ANAPC5: variants seen among roughly 807,000 people sequenced by gnomAD.
ANAPC5 encodes anaphase promoting complex subunit 5, also known as anaphase-promoting complex subunit 5.
A neutral mutation model predicts 91.3 loss-of-function variants in ANAPC5; 60 were observed. The ratio of observed to expected loss-of-function variants is 0.66; its 90% CI spans 0.53 to 0.81. ANAPC5 has a LOEUF of 0.81. Ranked by LOEUF, ANAPC5 falls within the 40% of genes least tolerant of loss-of-function variation. The pLI, the probability that ANAPC5 is intolerant of heterozygous loss-of-function variation, is 0.00. For synonymous variants in ANAPC5, 340 were observed against 364.1 expected (o/e 0.93, Z 0.75); for missense variants, 690 against 931.5 (o/e 0.74, Z 3.37).
Position 121,342,004 on chromosome 12 carries a change from T to C in ANAPC5, c.656A>G (p.Gln219Arg). ...TGATAAATTACAGAATTCACATACCTGTTGAGAAAGAAAAAATTCTGCTTG... is the reference window on the plus strand; with the variant it reads ...TGATAAATTACAGAATTCACATACCCGTTGAGAAAGAAAAAATTCTGCTTG... ...QKQAEFFLSQQASLLKNDETK... is the reference protein window; with the variant it reads ...QKQAEFFLSQRASLLKNDETK... Residue 219 changes from glutamine to arginine, a missense_variant and splice_region_variant, in exon 5 of 17, where the codon CAG becomes CGG. Physicochemically the swap from Gln to Arg is conservative, Grantham distance 43 (BLOSUM62 1). Coordinates refer to ENST00000261819, the MANE Select transcript of ANAPC5 (RefSeq NM_016237.5). The surrounding 1 kb of genome is among the most constrained non-coding windows in gnomAD (Gnocchi z 4.1). The C allele has an allele frequency of 6.2e-7, 1 of 1,607,964 alleles. No individual in the cohort carries two copies. Among genetic ancestry groups the C allele is most frequent in the Non-Finnish European group, 8.5e-7 (1 of 1,176,364 alleles).
rs1415989690 is a variant in ANAPC5 at position 121,352,187 on chromosome 12, C to A, written c.154G>T (p.Val52Phe). Reference sequence around the variant, plus strand: ...AGCCTCCGCCGCTCCATGAGGCTGACGGCGCCCTCGCCTGTGCGGCTCATC... The same window carrying A: ...AGCCTCCGCCGCTCCATGAGGCTGAAGGCGCCCTCGCCTGTGCGGCTCATC... Reference protein sequence around the residue: ...NEMSRTGEGAVSLMERRRLNQ... With the variant: ...NEMSRTGEGAFSLMERRRLNQ... Residue 52 changes from valine (V) to phenylalanine (F), a missense_variant, in exon 1 of 17, where the codon GTC becomes TTC. Val to Phe is a conservative substitution (Grantham distance 50). Around this residue, in one of 5 missense-constraint regions of ANAPC5, gnomAD observed 238 missense variants for 264.9 expected, o/e 0.90. Transcript: ENST00000261819. 1.2e-6 allele frequency: 2 copies of A among 1,613,160 alleles called. No individual in the cohort carries two copies. Among genetic ancestry groups the A allele is most frequent in the Non-Finnish European group, 1.7e-6 (2 of 1,179,402 alleles).
Position 121,320,390 on chromosome 12 carries a change from C to T in ANAPC5, c.1510G>A (p.Ala504Thr), listed in dbSNP as rs752243141. 3.0e-5 allele frequency: 49 copies of T among 1,613,118 alleles called. No homozygotes were observed. Among genetic ancestry groups the T allele is most frequent in the Non-Finnish European group, 3.4e-5 (40 of 1,179,390 alleles). ...CCATGCAAAAGGCAGATTACCTGGG[C>T]GTGCTGACTATTAGGCGGAAATCGT... ...KERFPPNSQH[A>T]QLWMLCDQKI... The change falls in exon 12 of 17, where the codon GCC becomes ACC. Residue 504 changes from alanine (A) to threonine (T), a missense_variant. Around this residue, in one of 5 missense-constraint regions of ANAPC5, gnomAD observed 317 missense variants for 438.7 expected, o/e 0.72. Transcript: ENST00000261819.
chr12:121,352,187 C>G lies in ANAPC5; in HGVS notation c.154G>C (p.Val52Leu), dbSNP rs1415989690. ...NEMSRTGEGA[V>L]SLMERRRLNQ... ...AGCCTCCGCCGCTCCATGAGGCTGACGGCGCCCTCGCCTGTGCGGCTCATC... is the reference window on the plus strand; with the variant it reads ...AGCCTCCGCCGCTCCATGAGGCTGAGGGCGCCCTCGCCTGTGCGGCTCATC... Residue 52 changes from valine to leucine, a missense_variant, in exon 1 of 17, where the codon GTC becomes CTC. Val to Leu is a conservative substitution (Grantham distance 32, BLOSUM62 1). Transcript: ENST00000261819. 6.2e-7 allele frequency: 1 copy of G among 1,613,278 alleles called. No individual in the cohort carries two copies. The highest frequency in any genetic ancestry group is 1.3e-5 in the African/African-American group (1 of 75,054).
intron 11 of ANAPC5, among the ~76,000 whole-genome samples, chr12:121,324,239 C>A (rs1421778171): frequency 1.3e-5 from 2 of 152,092 alleles, no homozygotes; most frequent in African/African-American, 4.8e-5. Context: ...ATGAGTCTAA[C>A]TTGTCTAATT....
At position 121,342,001 on chromosome 12, in the gene ANAPC5, A is replaced by G. The variant is rs1903477537; in HGVS notation, c.657+2T>C. 1 of 1,604,358 alleles carries G rather than the reference A, an allele frequency of 6.2e-7. No individual in the cohort carries two copies. The highest frequency in any genetic ancestry group is 1.7e-5 in the Admixed American group (1 of 59,704). ...TCATGATAAATTACAGAATTCACAT[A>G]CCTGTTGAGAAAGAAAAAATTCTGC... On this transcript the variant is annotated splice_donor_variant, in intron 5 of 16. Coordinates refer to ENST00000261819, the MANE Select transcript of ANAPC5 (RefSeq NM_016237.5). LOFTEE classifies it high-confidence loss of function. The surrounding 1 kb of genome is among the most constrained non-coding windows in gnomAD (Gnocchi z 4.1).
At chr12:121,340,316 C>CA (rs782297405) in intron 5 of ANAPC5, among the ~76,000 whole-genome samples, 12,220 of 86,192 alleles carry the variant, frequency 0.14, 798 homozygotes, top group African/African-American at 0.25. Context: ...AACTCCATCT[C>CA]AAAAAAAAAA....
rs782083815 is a variant in ANAPC5, at chr12:121,352,326, G to A, written c.15C>T (p.His5=). Residue 5 remains histidine, a synonymous_variant, in exon 1 of 17, where the codon CAC becomes CAT. Transcript: ENST00000261819. ...TCATGGGATTGAAGTAGAGGCTCTC[G>A]TGGACGCTGGCCATGGCGGCCCGAG... MASV[H]ESLYFNPMMT... 1.0e-4 allele frequency: 162 copies of A among 1,605,550 alleles called. No individual in the cohort carries two copies. The East Asian group carries it at 3.6e-3, about 35-fold the overall frequency.
Position 121,320,422 on chromosome 12 carries a change from A to C in ANAPC5, c.1478T>G (p.Leu493Trp). The change falls in exon 12 of 17, where the codon TTG becomes TGG. Residue 493 changes from leucine to tryptophan, a missense_variant. Coordinates refer to ENST00000261819, the MANE Select transcript of ANAPC5 (RefSeq NM_016237.5). ...ACTATTAGGCGGAAATCGTTCCTTC[A>C]AGTGCTTTAACACTTCAGAAGCTGC... is the stretch of plus-strand genomic sequence containing the variant. Reference protein sequence around the residue: ...FAAASEVLKHLKERFPPNSQH... With the variant: ...FAAASEVLKHWKERFPPNSQH... The C allele has an allele frequency of 6.2e-7, 1 of 1,613,872 alleles. No homozygotes were observed.
intron 2 of ANAPC5, 144 bp from the exon 3 acceptor site, chr12:121,347,149 A>G (rs1903699080): frequency 5.7e-6 from 3 of 528,352 alleles, no homozygotes; most frequent in Admixed American, 3.8e-5. Context: ...AACAAACTTC[A>G]TAATTCAAAA....
chr12:121,345,469 T>C (rs958853591), intron 4 of ANAPC5, among the ~76,000 whole-genome samples: 5 of 152,198 alleles, frequency 3.3e-5, no homozygotes, highest in Non-Finnish European at 7.4e-5. Context: ...GTGGGGTACC[T>C]TTCACCTGGG....
intron 9 of ANAPC5, chr12:121,328,948 G>A (rs1555272574): frequency 1.3e-5 from 2 of 153,096 alleles, no homozygotes; most frequent in African/African-American, 4.8e-5. Context: ...CCTATCATGA[G>A]CAACAAAATT....
intron 15 of ANAPC5, among the ~76,000 whole-genome samples, chr12:121,316,865 G>C (rs1476379450): frequency 1.3e-5 from 2 of 151,654 alleles, no homozygotes; most frequent in African/African-American, 4.9e-5. Context: ...GAATGGATAA[G>C]CAAAATGTGA....
rs140248928 is a variant in ANAPC5, at chr12:121,347,265, A to G, written c.288-260T>C. ...ACATTCAATTATCTGCAATGACTAA[A>G]AAGAGTAAGATGGATCCATAAGGAA... On this transcript the variant is annotated intron_variant, in intron 2 of 16. Transcript: ENST00000261819. 482 of 440,162 alleles carry G rather than the reference A, an allele frequency of 1.1e-3. 1 individual carries two copies. The highest frequency in any genetic ancestry group is 1.6e-3 in the Non-Finnish European group (391 of 248,022). The allele number at this position is 440,162 out of a possible 1,614,324, so 27.3% of individuals were successfully genotyped here. A position where few individuals can be genotyped will look rare whatever the true frequency, so the allele number is the denominator to read the frequency against.
intron 9 of ANAPC5, 113 bp from the exon 10 acceptor site, chr12:121,328,610 T>A: frequency 2.1e-6 from 2 of 973,616 alleles, no homozygotes; most frequent in Non-Finnish European, 3.1e-6. Flanking sequence ...GTGACAGCAC[T>A]ATTTAAAAGG....
At chr12:121,314,053 A>C (rs1194798708) in intron 15 of ANAPC5, among the ~76,000 whole-genome samples, 1 of 152,216 alleles carries the variant, frequency 6.6e-6, no homozygotes, top group Non-Finnish European at 1.5e-5. Flanking sequence ...GACCATGTGA[A>C]ATTTACTCCA....
At chr12:121,346,869 T>A in intron 3 of ANAPC5, 27 bp downstream of exon 3, 1 of 1,425,474 alleles carries the variant, frequency 7.0e-7, no homozygotes. Flanking sequence ...GAAAATACTC[T>A]CTGCTCTTCT....
intron 9 of ANAPC5, 115 bp downstream of exon 9, chr12:121,330,468 A>G (rs565363127): frequency 2.6e-6 from 2 of 783,792 alleles, no homozygotes; most frequent in African/African-American, 1.7e-5. Flanking sequence ...CAAGAATAAA[A>G]CCACACTTTG....
intron 16 of ANAPC5, among the ~76,000 whole-genome samples, chr12:121,308,919 CG>C (rs1247733907): frequency 4.6e-5 from 7 of 150,638 alleles, no homozygotes; most frequent in African/African-American, 1.7e-4. Context: ...GAGGCCGAGG[CG>C]GGTGGATCAC....
intron 12 of ANAPC5, 53 bp from the exon 13 acceptor site, chr12:121,319,871 A>ATG (rs1902526550): frequency 6.5e-7 from 1 of 1,529,746 alleles, no homozygotes; most frequent in African/African-American, 1.4e-5. Flanking sequence ...GTTCATCTTA[A>ATG]TGAGTATATG....
Sources: allele counts gnomAD v4.1 joint callset (sites outside exome capture counted in the v4.1 genomes callset), GRCh38; gene constraint gnomAD v4.1.1; regional missense constraint gnomAD v4.1.1; non-coding constraint Gnocchi (gnomAD v3.1); transcripts MANE v1.5; gene names NCBI Gene and HGNC (gene_info 2026-07-23, HGNC 2026-07-21).